Variants in MYH15 observed in about 807,000 individuals in gnomAD.
The protein encoded by MYH15 is myosin-15.
MYH15 carries 227 observed loss-of-function variants against 240.5 expected under a neutral mutation model. The observed-to-expected ratio is 0.94, with a 90% CI of 0.85 to 1.05. The LOEUF (loss-of-function observed/expected upper bound fraction) is 1.05, where lower values mean the gene tolerates loss of function less well. Ranked by LOEUF, MYH15 falls within the 50% of genes least tolerant of loss-of-function variation. The probability of loss-of-function intolerance (pLI) is 0.00; values close to 1 mark genes in which losing one functional copy is unlikely to be tolerated. For synonymous variants in MYH15, 785 were observed against 796.7 expected, an observed-to-expected ratio of 0.99 and a Z score of 0.25; for missense variants, 2,217 against 2,247.5, an observed-to-expected ratio of 0.99 and a Z score of 0.27.
the MYH15 span, among the ~76,000 whole-genome samples, chr3:108,537,621 C>A: frequency 6.6e-6 from 1 of 152,182 alleles, no homozygotes. Context: ...CCTCATCAGA[C>A]ACTGAACCTG....
chr3:108,421,347 G>T, intron 27 of MYH15, 133 bp from the exon 28 acceptor site: 2 of 1,044,910 alleles, frequency 1.9e-6, no homozygotes, highest in Non-Finnish European at 2.7e-6. Context: ...AGCCAGCATT[G>T]GGAGATCACA....
chr3:108,386,151 T>C lies in MYH15; in HGVS notation c.5536-1369A>G, dbSNP rs1200161891. Reference sequence around the variant, plus strand: ...CAGTAAATTATAAAATCAACACAGGTTTAATTGCTAATAATCAGTTTACTG... The same window carrying C: ...CAGTAAATTATAAAATCAACACAGGCTTAATTGCTAATAATCAGTTTACTG... On this transcript the variant is annotated intron_variant, in intron 38 of 40. Transcript: ENST00000693548. 3.3e-5 allele frequency among the ~76,000 whole-genome samples: 5 copies of C among 152,132 alleles called. No individual in the cohort carries two copies. The South Asian group carries it at 8.3e-4, about 25-fold the overall frequency.
At chr3:108,540,554 T>A in the MYH15 span, among the ~76,000 whole-genome samples, 1 of 152,218 alleles carries the variant, frequency 6.6e-6, no homozygotes, top group Non-Finnish European at 1.5e-5. Flanking sequence ...TCACATTATC[T>A]TTATAGATAT....
Position 108,463,121 on chromosome 3 carries a change from A to C in MYH15, c.1854T>G (p.Ser618Arg). 6.2e-7 allele frequency: 1 copy of C among 1,609,970 alleles called. No homozygotes were observed. The change falls in exon 16 of 41, where the codon AGT becomes AGG. Residue 618 changes from serine to arginine, a missense_variant. Physicochemically the swap from Ser to Arg is moderately radical, Grantham distance 110. Coordinates refer to ENST00000693548, the MANE Select transcript of MYH15 (RefSeq NM_014981.3). ...GATTGTATGACTCACCACTGTCAGT[A>C]CTCATGTAATTTTCAAAAAGGCTCG... ...LLASLFENYMSTDSAIPFGEK... is the reference protein window; with the variant it reads ...LLASLFENYMRTDSAIPFGEK...
chr3:108,514,939 C>G (rs985581729), upstream of MYH15, among the ~76,000 whole-genome samples: 1 of 152,108 alleles, frequency 6.6e-6, no homozygotes, highest in African/African-American at 2.4e-5. Context: ...CTATCTCATG[C>G]CACATTCAAT....
intron 27 of MYH15, among the ~76,000 whole-genome samples, chr3:108,426,680 C>A (rs1197435543): frequency 6.6e-6 from 1 of 152,206 alleles, no homozygotes; most frequent in Admixed American, 6.5e-5. Context: ...CCACAGACAG[C>A]CCCCACTATG....
intron 6 of MYH15, among the ~76,000 whole-genome samples, chr3:108,496,822 A>T (rs1231308256): frequency 6.6e-6 from 1 of 151,244 alleles, no homozygotes; most frequent in Non-Finnish European, 1.5e-5. Flanking sequence ...AAAAACCACA[A>T]ACATCTAAAA....
chr3:108,416,807 A>G lies in MYH15; in HGVS notation c.3948+5T>C. On this transcript the variant is annotated splice_donor_5th_base_variant and intron_variant, in intron 29 of 40. Coordinates refer to ENST00000693548, the MANE Select transcript of MYH15 (RefSeq NM_014981.3). ...GAAACTAGTGAGAAATAATAGATAC[A>G]TTACTTTGGTCTCCTTTTCCAGCTG... 6.3e-7 allele frequency: 1 copy of G among 1,599,446 alleles called. No individual in the cohort carries two copies. Among genetic ancestry groups the G allele is most frequent in the Non-Finnish European group, 8.6e-7 (1 of 1,167,684 alleles).
chr3:108,529,421 A>G (rs2083697517), upstream of MYH15: 2 of 603,790 alleles, frequency 3.3e-6, no homozygotes, highest in Non-Finnish European at 5.8e-6. Context: ...AACATACAAG[A>G]TATATTTAGT....
intron 25 of MYH15, among the ~76,000 whole-genome samples, chr3:108,432,603 G>T (rs1164706541): frequency 6.6e-6 from 1 of 152,150 alleles, no homozygotes; most frequent in Non-Finnish European, 1.5e-5. Flanking sequence ...GGAAAAATTG[G>T]TTTCGTGGGC....
intron 2 of MYH15, among the ~76,000 whole-genome samples, chr3:108,502,621 G>A (rs2083447150): frequency 6.6e-6 from 1 of 151,996 alleles, no homozygotes; most frequent in African/African-American, 2.4e-5. Context: ...TAATATGGAT[G>A]CATTTCTACT....
chr3:108,401,586 T>C (rs1049151684), intron 33 of MYH15, among the ~76,000 whole-genome samples: 1 of 152,248 alleles, frequency 6.6e-6, no homozygotes, highest in Non-Finnish European at 1.5e-5. Context: ...TGTCCTACAT[T>C]GGGAAACTCT....
upstream of MYH15, chr3:108,529,384 TG>T: frequency 2.6e-6 from 2 of 777,946 alleles, no homozygotes; most frequent in South Asian, 3.4e-5. Flanking sequence ...GTTGACAGCA[TG>T]GGAAATCTGT....
At chr3:108,389,289 T>C (rs1009415943) in intron 37 of MYH15, among the ~76,000 whole-genome samples, 1 of 152,206 alleles carries the variant, frequency 6.6e-6, no homozygotes, top group Admixed American at 6.5e-5. Flanking sequence ...CTGAAATATG[T>C]GAAAGGCTAA....
chr3:108,536,879 G>C, the MYH15 span, among the ~76,000 whole-genome samples: 1 of 152,164 alleles, frequency 6.6e-6, no homozygotes, highest in Non-Finnish European at 1.5e-5. Flanking sequence ...AAAGAACACA[G>C]CATCCTGGTG....
chr3:108,500,285 A>G lies in MYH15; in HGVS notation c.340-11T>C, dbSNP rs2083426255. 1 of 1,593,600 alleles carries G rather than the reference A, an allele frequency of 6.3e-7. No individual in the cohort carries two copies. Among genetic ancestry groups the G allele is most frequent in the African/African-American group, 1.4e-5 (1 of 73,778 alleles). On this transcript the variant is annotated splice_polypyrimidine_tract_variant and intron_variant, in intron 3 of 40. Transcript: ENST00000693548. ...GAGACCTGAATATGTCTGAGGGAAA[A>G]TCAGAAAAGATTTCAGAAACTAGAT...
At chr3:108,433,086 G>A (rs2082794140) in intron 25 of MYH15, among the ~76,000 whole-genome samples, 1 of 152,216 alleles carries the variant, frequency 6.6e-6, no homozygotes, top group Admixed American at 6.5e-5. Flanking sequence ...AGGCAGCTGG[G>A]AGGGAGGCTT....
chr3:108,448,249 CTG>C (rs2082944639), intron 21 of MYH15, among the ~76,000 whole-genome samples: 1 of 151,978 alleles, frequency 6.6e-6, no homozygotes. Context: ...GGCAGTAAGT[CTG>C]TATCTATTAA....
At chr3:108,492,459 T>C (rs1263881198) in intron 9 of MYH15, 41 bp downstream of exon 9, 2 of 1,441,402 alleles carry the variant, frequency 1.4e-6, no homozygotes, top group Non-Finnish European at 9.6e-7. Flanking sequence ...CTTATTTTTC[T>C]TGTTTTGGAA....
Sources: allele counts gnomAD v4.1 joint callset (sites outside exome capture counted in the v4.1 genomes callset), GRCh38; gene constraint gnomAD v4.1.1; transcripts MANE v1.5; gene names NCBI Gene and HGNC (gene_info 2026-07-23, HGNC 2026-07-21).